The following MYO10 variants were observed in gnomAD, a reference collection of about 807,000 sequenced individuals.
MYO10 encodes the protein myosin X.
Under a neutral mutation model 257.3 loss-of-function variants are expected in MYO10, and 133 were observed. That is an observed-to-expected ratio of 0.52 (90% CI 0.45 to 0.60). The LOEUF (loss-of-function observed/expected upper bound fraction) is 0.60. Ranked by LOEUF, MYO10 falls within the 20% of genes least tolerant of loss-of-function variation. The pLI is 0.00. For missense variants in MYO10, 2,399 were observed against 2,635.7 expected, an observed-to-expected ratio of 0.91 and a Z score of 1.97; for synonymous variants, 1,104 against 1,028.6, an observed-to-expected ratio of 1.07 and a Z score of -1.40.
chr5:16,743,033 T>A (rs1019060964), intron 19 of MYO10, among the ~76,000 whole-genome samples: 3 of 152,050 alleles, frequency 2.0e-5, no homozygotes, highest in African/African-American at 7.2e-5. Flanking sequence ...AGCAGGAGAA[T>A]CTCTTGAACC....
chr5:16,933,172 G>A (rs1746338412), intron 1 of MYO10, among the ~76,000 whole-genome samples: 1 of 152,196 alleles, frequency 6.6e-6, no homozygotes, highest in South Asian at 2.1e-4. Flanking sequence ...TCAACTGGGA[G>A]TGATTTTGCT....
chr5:16,833,692 C>G (rs1743223759), intron 2 of MYO10, among the ~76,000 whole-genome samples: 1 of 152,160 alleles, frequency 6.6e-6, no homozygotes, highest in African/African-American at 2.4e-5. Flanking sequence ...CAGTGCTGAA[C>G]TCCACTCTGC....
intron 1 of MYO10, among the ~76,000 whole-genome samples, chr5:16,882,134 C>T (rs1017787575): frequency 6.6e-6 from 1 of 152,176 alleles, no homozygotes; most frequent in Non-Finnish European, 1.5e-5. Flanking sequence ...AGCACTTATG[C>T]ATAAATTCCT....
chr5:16,764,370 G>C lies in MYO10; in HGVS notation c.1206C>G (p.Ala402=). ...QQAVDSRDSL[A]MALYACCFEW... ...CAAAGCAGCACGCATACAGAGCCAT[G>C]GCCAGGGAGTCCCTGCTGTCTACTG... Residue 402 remains alanine (A), a synonymous_variant, in exon 12 of 41, where the codon GCC becomes GCG. Coordinates refer to ENST00000513610, the MANE Select transcript of MYO10 (RefSeq NM_012334.3). 6.2e-7 allele frequency: 1 copy of C among 1,613,910 alleles called. No individual in the cohort carries two copies. The highest frequency in any genetic ancestry group is 8.5e-7 in the Non-Finnish European group (1 of 1,179,870).
chr5:16,716,141 C>A (rs1212289652), intron 19 of MYO10, among the ~76,000 whole-genome samples: 1 of 151,618 alleles, frequency 6.6e-6, no homozygotes, highest in Non-Finnish European at 1.5e-5. Flanking sequence ...AAGTTTGCAT[C>A]CTGGAGACAG....
chr5:16,703,126 A>G lies in MYO10; in HGVS notation c.2309T>C (p.Val770Ala). The change falls in exon 23 of 41, where the codon GTG becomes GCG. Residue 770 changes from valine to alanine, a missense_variant. This residue lies in a region of MYO10 where 1,820 missense variants were observed against 1,939.4 expected (regional missense o/e 0.94). Coordinates refer to ENST00000513610, the MANE Select transcript of MYO10 (RefSeq NM_012334.3). The part of the protein sequence containing the change: ...KQYRKVLYCV[V>A]IIQKNYRAFL... ...TGCTCTGTAATTCTTCTGTATTATCACCACACAATAAAGGACCTTTCTGTA... is the reference window on the plus strand; with the variant it reads ...TGCTCTGTAATTCTTCTGTATTATCGCCACACAATAAAGGACCTTTCTGTA... The G allele has an allele frequency of 1.3e-6, 2 of 1,596,786 alleles. No homozygotes were observed. Among genetic ancestry groups the G allele is most frequent in the Non-Finnish European group, 1.7e-6 (2 of 1,170,902 alleles).
chr5:16,802,569 T>C (rs866569240), intron 3 of MYO10, among the ~76,000 whole-genome samples: 103 of 148,908 alleles, frequency 6.9e-4, no homozygotes, highest in African/African-American at 2.4e-3. Context: ...AGGCAGGAGA[T>C]TGGCATGAAC....
At chr5:16,710,792 T>C in intron 21 of MYO10, 116 bp downstream of exon 21, 1 of 845,356 alleles carries the variant, frequency 1.2e-6, no homozygotes, top group South Asian at 1.6e-5. Flanking sequence ...AACAGGAGTA[T>C]CTTCCCAATG....
At chr5:16,776,858 G>A (rs1352279059) in intron 9 of MYO10, among the ~76,000 whole-genome samples, 1 of 152,238 alleles carries the variant, frequency 6.6e-6, no homozygotes, top group Non-Finnish European at 1.5e-5. Context: ...GAGCTCGCAG[G>A]TGATGGGACC....
intron 1 of MYO10, among the ~76,000 whole-genome samples, chr5:16,891,983 A>C (rs557493702): frequency 1.3e-5 from 2 of 152,316 alleles, no homozygotes; most frequent in South Asian, 4.1e-4. Flanking sequence ...CAGTGCTTTG[A>C]CTAGTATTTA....
intron 1 of MYO10, among the ~76,000 whole-genome samples, chr5:16,877,990 G>A (rs926339414): frequency 1.6e-4 from 25 of 152,110 alleles, no homozygotes; most frequent in African/African-American, 4.1e-4. Context: ...GGTGGATTAC[G>A]TCATTTGAGA....
chr5:16,932,058 C>T (rs1164558782), intron 1 of MYO10, among the ~76,000 whole-genome samples: 1 of 152,186 alleles, frequency 6.6e-6, no homozygotes, highest in Admixed American at 6.5e-5. Context: ...TTCCACTTAA[C>T]GTCTTTAGAA....
At chr5:16,905,537 ACCAG>A (rs1001481507) in intron 1 of MYO10, among the ~76,000 whole-genome samples, 5 of 151,932 alleles carry the variant, frequency 3.3e-5, no homozygotes, top group South Asian at 4.2e-4. Flanking sequence ...AGGAACAGCC[ACCAG>A]CCAGCCAGCC....
At chr5:16,757,329 C>G (rs988603697) in intron 18 of MYO10, among the ~76,000 whole-genome samples, 1 of 148,752 alleles carries the variant, frequency 6.7e-6, no homozygotes, top group African/African-American at 2.5e-5. Flanking sequence ...CACACACACA[C>G]ACACACACAC....
At chr5:16,758,931 T>G (rs1740612091) in intron 17 of MYO10, among the ~76,000 whole-genome samples, 2 of 151,826 alleles carry the variant, frequency 1.3e-5, no homozygotes, top group Non-Finnish European at 2.9e-5. Flanking sequence ...CCCAATAATT[T>G]TTTTTTTTTA....
chr5:16,742,478 C>T (rs565841519), intron 19 of MYO10, among the ~76,000 whole-genome samples: 2 of 152,286 alleles, frequency 1.3e-5, no homozygotes, highest in African/African-American at 2.4e-5. Flanking sequence ...GCAATGGGTG[C>T]TCCAGGTGCA....
At chr5:16,876,961 C>G (rs903694511) in intron 2 of MYO10, among the ~76,000 whole-genome samples, 1 of 152,122 alleles carries the variant, frequency 6.6e-6, no homozygotes. Flanking sequence ...GAAGGTGCAG[C>G]CTTCATGAAT....
intron 2 of MYO10, among the ~76,000 whole-genome samples, chr5:16,860,966 C>T (rs1051259802): frequency 6.6e-6 from 1 of 152,138 alleles, no homozygotes; most frequent in African/African-American, 2.4e-5. Context: ...TATTTTGATA[C>T]GATGGCCATT....
At chr5:16,817,404 A>G (rs1412510341) in intron 3 of MYO10, among the ~76,000 whole-genome samples, 1 of 152,240 alleles carries the variant, frequency 6.6e-6, no homozygotes, top group Non-Finnish European at 1.5e-5. Context: ...AATTTATAAC[A>G]AGTGATTCTT....
Sources: gnomAD v4.1 joint callset for allele counts (sites outside exome capture counted in the v4.1 genomes callset) on GRCh38, gnomAD v4.1.1 for gene constraint, gnomAD v4.1.1 regional missense constraint, MANE v1.5 for transcripts, NCBI Gene and HGNC (gene_info 2026-07-23, HGNC 2026-07-21) for gene names.